The following RTKN2 variants were observed in gnomAD, a reference collection of about 807,000 sequenced individuals.
RTKN2 encodes rhotekin-2.
RTKN2 carries 69 observed loss-of-function variants against 71.5 expected under a neutral mutation model. The observed-to-expected ratio is 0.96, with a 90% CI of 0.79 to 1.18. The LOEUF (loss-of-function observed/expected upper bound fraction) is 1.18. RTKN2 is among the 50% of genes most tolerant of loss of function. RTKN2 has a pLI of 0.00. For missense variants in RTKN2, 724 were observed against 719.7 expected, an observed-to-expected ratio of 1.01 and a Z score of -0.07; for synonymous variants, 236 against 236.5, an observed-to-expected ratio of 1.00 and a Z score of 0.02.
chr10:62,228,497 T>C (rs895107004), intron 6 of RTKN2, among the ~76,000 whole-genome samples: 2 of 152,038 alleles, frequency 1.3e-5, no homozygotes, highest in African/African-American at 2.4e-5. Context: ...AATGGTTCAA[T>C]AGAGAATGGC....
intron 10 of RTKN2, among the ~76,000 whole-genome samples, chr10:62,201,618 C>T (rs1841444211): frequency 1.3e-5 from 2 of 152,058 alleles, no homozygotes; most frequent in South Asian, 4.1e-4. Flanking sequence ...ACACTTCAAA[C>T]TGGCACACTT....
intron 3 of RTKN2, 42 bp from the exon 4 acceptor site, chr10:62,241,237 T>C: frequency 1.6e-6 from 2 of 1,277,126 alleles, no homozygotes; most frequent in Non-Finnish European, 2.3e-6. Flanking sequence ...ATAATTTTGG[T>C]AAGTTTTATT....
intron 6 of RTKN2, among the ~76,000 whole-genome samples, chr10:62,227,761 T>C (rs552156400): frequency 1.9e-4 from 29 of 152,278 alleles, no homozygotes; most frequent in East Asian, 7.7e-4. Flanking sequence ...ACTAAAAGGC[T>C]ACTGCAACTG....
intron 6 of RTKN2, among the ~76,000 whole-genome samples, chr10:62,235,496 G>C (rs1485526806): frequency 6.6e-6 from 1 of 152,018 alleles, no homozygotes; most frequent in African/African-American, 2.4e-5. Flanking sequence ...CTGAAAATCT[G>C]AAATGCTCCA....
chr10:62,253,512 T>C (rs918248496), intron 2 of RTKN2, among the ~76,000 whole-genome samples: 7 of 152,154 alleles, frequency 4.6e-5, no homozygotes, highest in Non-Finnish European at 8.8e-5. Flanking sequence ...TGGCTAACTT[T>C]ACACCCTTAT....
chr10:62,254,044 C>G (rs959634944), intron 2 of RTKN2, among the ~76,000 whole-genome samples: 5 of 152,018 alleles, frequency 3.3e-5, no homozygotes, highest in African/African-American at 4.8e-5. Context: ...GAAACACTAT[C>G]TATCCAAAAA....
intron 7 of RTKN2, among the ~76,000 whole-genome samples, chr10:62,222,313 T>C (rs1441375142): frequency 6.6e-6 from 1 of 152,018 alleles, no homozygotes; most frequent in Non-Finnish European, 1.5e-5. Context: ...GGTCTCACTA[T>C]GTTACCCAGG....
intron 8 of RTKN2, among the ~76,000 whole-genome samples, chr10:62,186,025 C>A (rs1172700014): frequency 6.6e-6 from 1 of 152,196 alleles, no homozygotes; most frequent in Non-Finnish European, 1.5e-5. Context: ...AAAGGCCAGT[C>A]GGTGAAAGTA....
At chr10:62,239,536 C>A in intron 5 of RTKN2, 112 bp downstream of exon 5, 4 of 517,752 alleles carry the variant, frequency 7.7e-6, no homozygotes, top group Non-Finnish European at 1.4e-5. Context: ...ATTTAAAGAT[C>A]ACTTAAACAT....
rs1049105674 is a variant in RTKN2, at chr10:62,194,544, G to T, written c.*3364C>A. 95 of 985,038 alleles carry T rather than the reference G, an allele frequency of 9.6e-5. No individual in the cohort carries two copies. Among genetic ancestry groups the T allele is most frequent in the Non-Finnish European group, 1.1e-4 (88 of 829,726 alleles). The allele number at this position is 985,038 out of a possible 1,614,324, so 61.0% of individuals were successfully genotyped here. ...GACCACAGGGACAGATATTTTTCTTGCAGAGCAGTTCTTGCTCATGGTGCA... is the reference window on the plus strand; with the variant it reads ...GACCACAGGGACAGATATTTTTCTTTCAGAGCAGTTCTTGCTCATGGTGCA... On this transcript the variant is annotated 3_prime_UTR_variant, in exon 12 of 12. Coordinates refer to ENST00000373789, the MANE Select transcript of RTKN2 (RefSeq NM_145307.4).
chr10:62,262,288 T>C (rs1306176400), intron 2 of RTKN2, among the ~76,000 whole-genome samples: 8 of 152,252 alleles, frequency 5.3e-5, no homozygotes. Flanking sequence ...TCACAGCTAG[T>C]ACCTTTATAT....
chr10:62,228,651 A>C (rs1224286899), intron 6 of RTKN2, among the ~76,000 whole-genome samples: 1 of 152,194 alleles, frequency 6.6e-6, no homozygotes, highest in African/African-American at 2.4e-5. Context: ...TGCCGTACTA[A>C]AGTTGGTGAT....
intron 7 of RTKN2, among the ~76,000 whole-genome samples, chr10:62,222,218 C>G (rs1167446999): frequency 6.6e-6 from 1 of 152,156 alleles, no homozygotes; most frequent in Non-Finnish European, 1.5e-5. Context: ...AGGCGATCCT[C>G]CTACCTCAGT....
chr10:62,237,698 A>G (rs528128017), intron 5 of RTKN2, among the ~76,000 whole-genome samples: 1 of 151,400 alleles, frequency 6.6e-6, no homozygotes, highest in African/African-American at 2.4e-5. Flanking sequence ...GTGTCCCCTG[A>G]CCCTCCCCCA....
intron 10 of RTKN2, among the ~76,000 whole-genome samples, chr10:62,202,221 C>T (rs1343485117): frequency 6.6e-6 from 1 of 152,164 alleles, no homozygotes; most frequent in Non-Finnish European, 1.5e-5. Flanking sequence ...TGCCCACCAA[C>T]ATCCACCCGA....
intron 10 of RTKN2, among the ~76,000 whole-genome samples, chr10:62,200,362 C>CAAAAAAAA (rs67854159): frequency 2.1e-4 from 17 of 79,498 alleles, no homozygotes; most frequent in Admixed American, 3.6e-4. Flanking sequence ...GACTCCGTCT[C>CAAAAAAAA]AAAAAAAAAA....
intron 2 of RTKN2, among the ~76,000 whole-genome samples, chr10:62,259,599 T>C (rs1445379484): frequency 6.6e-6 from 1 of 152,214 alleles, no homozygotes; most frequent in African/African-American, 2.4e-5. Context: ...TTGCGCTGGC[T>C]GGAGTGCTGT....
chr10:62,233,871 A>G (rs190323966), intron 6 of RTKN2, among the ~76,000 whole-genome samples: 19 of 152,316 alleles, frequency 1.2e-4, no homozygotes, highest in Admixed American at 9.2e-4. Context: ...TTATAATTAC[A>G]GTAAAATTAC....
chr10:62,218,109 T>G, intron 8 of RTKN2, 86 bp downstream of exon 8: 1 of 818,422 alleles, frequency 1.2e-6, no homozygotes, highest in Non-Finnish European at 2.0e-6. Context: ...AAAATACTTC[T>G]CAATATCAGA....
Sources: allele counts gnomAD v4.1 joint callset (sites outside exome capture counted in the v4.1 genomes callset), GRCh38; gene constraint gnomAD v4.1.1; transcripts MANE v1.5; gene names NCBI Gene and HGNC (gene_info 2026-07-23, HGNC 2026-07-21).